The following APP variants were observed in gnomAD, a reference collection of about 807,000 sequenced individuals.
The protein encoded by APP is amyloid beta precursor protein.
APP carries 31 observed loss-of-function variants against 101.4 expected under a neutral mutation model. The ratio of observed to expected loss-of-function variants is 0.31; its 90% CI spans 0.23 to 0.41. The LOEUF (loss-of-function observed/expected upper bound fraction) is 0.41. APP is among the 10% of genes least tolerant of loss of function. APP has a pLI of 1.00. For synonymous variants in APP, 366 were observed against 364.4 expected (o/e 1.00, Z -0.05); for missense variants, 839 against 1,003.7 (o/e 0.84, Z 2.22).
At chr21:26,093,319 A>G (rs897092732) in intron 2 of APP, among the ~76,000 whole-genome samples, 1 of 152,204 alleles carries the variant, frequency 6.6e-6, no homozygotes, top group Non-Finnish European at 1.5e-5. Flanking sequence ...TATGTGCAGT[A>G]AAGTGTGAGT....
chr21:25,907,292 A>G (rs2038842923), intron 14 of APP, among the ~76,000 whole-genome samples: 1 of 152,218 alleles, frequency 6.6e-6, no homozygotes, highest in African/African-American at 2.4e-5. Flanking sequence ...TTTAGTATAA[A>G]TTAATGCTCA....
intron 1 of APP, among the ~76,000 whole-genome samples, chr21:26,156,994 G>A (rs1041040257): frequency 6.6e-6 from 1 of 152,092 alleles, no homozygotes. Flanking sequence ...TCTGAAGGTG[G>A]TATCCAGAAG....
At chr21:25,931,094 T>G (rs768340740) in intron 13 of APP, among the ~76,000 whole-genome samples, 1 of 152,194 alleles carries the variant, frequency 6.6e-6, no homozygotes, top group African/African-American at 2.4e-5. Context: ...TAGAAATAAC[T>G]TCATCAATTT....
At chr21:25,944,517 A>G (rs990080034) in intron 13 of APP, among the ~76,000 whole-genome samples, 1 of 152,244 alleles carries the variant, frequency 6.6e-6, no homozygotes, top group African/African-American at 2.4e-5. Flanking sequence ...TTTGTTTCTG[A>G]GTTGAACACC....
At chr21:25,937,961 A>T (rs1377779566) in intron 13 of APP, 1 of 152,038 alleles carries the variant, frequency 6.6e-6, no homozygotes, top group African/African-American at 2.4e-5. Context: ...TTTTGTAGAA[A>T]CAGGGTCTCC....
intron 3 of APP, among the ~76,000 whole-genome samples, chr21:26,055,577 G>A (rs2046007970): frequency 6.6e-6 from 1 of 152,138 alleles, no homozygotes; most frequent in Non-Finnish European, 1.5e-5. Context: ...CTAGCTGCTT[G>A]GAAGAATACC....
At chr21:26,015,645 G>A (rs757644957) in intron 6 of APP, among the ~76,000 whole-genome samples, 2 of 151,910 alleles carry the variant, frequency 1.3e-5, no homozygotes, top group Non-Finnish European at 2.9e-5. Context: ...CTGGCCCAAG[G>A]TCATAAAAAT....
At position 25,897,641 on chromosome 21, in the gene APP, T is replaced by A. The variant is rs200084346; in HGVS notation, c.1996A>T (p.Ile666Phe). 70 of 1,613,854 alleles carry A rather than the reference T, an allele frequency of 4.3e-5. No individual in the cohort carries two copies. The highest frequency in any genetic ancestry group is 5.8e-5 in the Non-Finnish European group (69 of 1,179,912). The change falls in exon 16 of 18, where the codon ATC (isoleucine) becomes TTC (phenylalanine). Residue 666 changes from isoleucine (I) to phenylalanine (F), a missense_variant. By Grantham distance (21) the Ile-to-Phe change is conservative. Transcript: ENST00000346798. ...SGLTNIKTEE[I>F]SEVKMDAEFR... The stretch of plus-strand genomic sequence containing the variant: ...TCTGCATCCATCTTCACTTCAGAGA[T>A]CTCCTCCGTCTTGATATTTGTCAAC...
rs2045903443 is a variant in APP, at chr21:26,053,134, C to T, written c.468+102G>A. 4 of 905,774 alleles carry T rather than the reference C, an allele frequency of 4.4e-6. No homozygotes were observed. The Admixed American group carries it at 5.2e-5, about 12-fold the overall frequency. The allele number at this position is 905,774 out of a possible 1,614,324, so 56.1% of individuals were successfully genotyped here. A position where few individuals can be genotyped will look rare whatever the true frequency, so the allele number is the denominator to read the frequency against. ...AGCACTGGGTTTTTTTCTTAAATAACTTATCAACATAGCTGTTGCCTCAAA... is the reference window on the plus strand; with the variant it reads ...AGCACTGGGTTTTTTTCTTAAATAATTTATCAACATAGCTGTTGCCTCAAA... On this transcript the variant is annotated intron_variant, in intron 4 of 17. Transcript: ENST00000346798.
chr21:26,013,012 A>ACAAAAC (rs1555845693), intron 6 of APP, among the ~76,000 whole-genome samples: 10 of 96,766 alleles, frequency 1.0e-4, no homozygotes, highest in African/African-American at 3.2e-4. Flanking sequence ...ACAAAACAAA[A>ACAAAAC]CAAACAAACA....
Position 25,881,356 on chromosome 21 carries a change from G to A in APP, c.*314C>T, listed in dbSNP as rs1316850843. 2.4e-6 allele frequency: 1 copy of A among 422,198 alleles called. No homozygotes were observed. The highest frequency in any genetic ancestry group is 5.1e-5 in the East Asian group (1 of 19,480). 26.2% of individuals were successfully genotyped at this position (422,198 alleles called of 1,614,324 possible). On this transcript the variant is annotated 3_prime_UTR_variant, in exon 18 of 18. Coordinates refer to ENST00000346798, the MANE Select transcript of APP (RefSeq NM_000484.4). ...AAGAATAATATACAACTGGCTAAGG[G>A]GCTATGTGATAAATAATCAGGAGAG...
intron 2 of APP, among the ~76,000 whole-genome samples, chr21:26,102,482 T>C (rs1045701544): frequency 6.6e-6 from 1 of 152,166 alleles, no homozygotes; most frequent in Non-Finnish European, 1.5e-5. Context: ...TTTTAGAATA[T>C]GTTTCAAGGG....
intron 5 of APP, among the ~76,000 whole-genome samples, chr21:26,044,269 C>A (rs1211852927): frequency 6.6e-6 from 1 of 152,188 alleles, no homozygotes; most frequent in African/African-American, 2.4e-5. Context: ...AGCCACTGCG[C>A]TCAAGTCTGG....
chr21:26,074,293 G>A (rs1457941719), intron 3 of APP, among the ~76,000 whole-genome samples: 1 of 152,076 alleles, frequency 6.6e-6, no homozygotes, highest in Non-Finnish European at 1.5e-5. Context: ...AACACCTACT[G>A]AAACGCCACA....
At chr21:26,170,442 A>G (rs2063721728) in intron 1 of APP, 122 bp downstream of exon 1, 3 of 1,039,094 alleles carry the variant, frequency 2.9e-6, no homozygotes, top group Non-Finnish European at 4.1e-6. Flanking sequence ...GGGGGCGGAG[A>G]GGAGAGGGGT....
At chr21:26,072,857 G>A (rs2061432640) in intron 3 of APP, among the ~76,000 whole-genome samples, 1 of 152,032 alleles carries the variant, frequency 6.6e-6, no homozygotes, top group Non-Finnish European at 1.5e-5. Flanking sequence ...ATCCCAAATG[G>A]TACTCAGCAA....
upstream of APP, chr21:26,170,904 C>A: frequency 3.7e-6 from 1 of 266,744 alleles, no homozygotes; most frequent in South Asian, 1.1e-4. Context: ...GGGGCCCTCG[C>A]GCCCCGCGCC....
intron 6 of APP, among the ~76,000 whole-genome samples, chr21:26,010,226 AAAC>A (rs1432222316): frequency 6.6e-6 from 1 of 152,030 alleles, no homozygotes; most frequent in Non-Finnish European, 1.5e-5. Context: ...AAAAAAAAAA[AAAC>A]AAAACAAAAC....
At chr21:26,020,500 T>C (rs779085195) in intron 6 of APP, among the ~76,000 whole-genome samples, 4 of 152,132 alleles carry the variant, frequency 2.6e-5, no homozygotes, top group Non-Finnish European at 5.9e-5. Context: ...ACTATGAATA[T>C]AGTTGAGGGA....
Sources: gnomAD v4.1 joint callset for allele counts (sites outside exome capture counted in the v4.1 genomes callset) on GRCh38, gnomAD v4.1.1 for gene constraint, MANE v1.5 for transcripts, NCBI Gene and HGNC (gene_info 2026-07-23, HGNC 2026-07-21) for gene names.